Variants in ADGRD1 observed in about 807,000 individuals in gnomAD.
ADGRD1 encodes adhesion G protein-coupled receptor D1.
Under a neutral mutation model 113.4 loss-of-function variants are expected in ADGRD1, and 77 were observed. The observed-to-expected ratio is 0.68, with a 90% CI of 0.57 to 0.82. The LOEUF is 0.82. Ranked by LOEUF, ADGRD1 falls within the 40% of genes least tolerant of loss-of-function variation. The pLI, the probability that ADGRD1 is intolerant of heterozygous loss-of-function variation, is 0.00. For synonymous variants in ADGRD1, 474 were observed against 475.0 expected (o/e 1.00, Z 0.03); for missense variants, 1,036 against 1,139.1 (o/e 0.91, Z 1.30).
rs116587860 is a variant in ADGRD1 at position 131,044,052 on chromosome 12, C to T, written c.1473+29712C>T. ...TGGGTGTTAACTTCAGGCCTCACAC[C>T]GTGTAGGAACTCCATCAACAAGAAA... On this transcript the variant is annotated intron_variant, in intron 13 of 24. Transcript: ENST00000261654. Among the ~76,000 whole-genome samples the T allele has an allele frequency of 1.2e-3, 178 of 152,240 alleles. 2 individuals are homozygous for T. Among genetic ancestry groups the T allele is most frequent in the African/African-American group, 4.0e-3 (168 of 41,548 alleles).
At chr12:131,068,142 G>A (rs1381801590) in intron 13 of ADGRD1, among the ~76,000 whole-genome samples, 2 of 152,244 alleles carry the variant, frequency 1.3e-5, no homozygotes, top group Non-Finnish European at 2.9e-5. Context: ...ATGGGGACCA[G>A]GGGCTGGTTC....
intron 2 of ADGRD1, among the ~76,000 whole-genome samples, chr12:130,958,551 C>G (rs922128045): frequency 1.2e-4 from 18 of 152,140 alleles, no homozygotes; most frequent in Non-Finnish European, 1.3e-4. Flanking sequence ...CTGCTCACCT[C>G]GTTTCCTGCT....
In ADGRD1 at chr12:130,969,085, G is replaced by A. The variant is rs1871325299; in HGVS notation, c.188-2373G>A. The A allele has an allele frequency of 2.8e-6, 4 of 1,411,742 alleles. No individual in the cohort carries two copies. The Admixed American group carries it at 5.9e-5, about 21-fold the overall frequency. The allele number at this position is 1,411,742 out of a possible 1,614,324, so 87.5% of individuals were successfully genotyped here. On this transcript the variant is annotated intron_variant, in intron 3 of 24. Transcript: ENST00000261654. Reference sequence around the variant, plus strand: ...TCTGCAACTGTAGGTGAGCATTTATGTACTTTTGTTCTTCGTTCTGTCAAG... The same window carrying A: ...TCTGCAACTGTAGGTGAGCATTTATATACTTTTGTTCTTCGTTCTGTCAAG...
At chr12:131,029,047 A>G (rs1266955269) in intron 13 of ADGRD1, among the ~76,000 whole-genome samples, 2 of 152,214 alleles carry the variant, frequency 1.3e-5, no homozygotes, top group African/African-American at 2.4e-5. Context: ...TGTCATTCAT[A>G]GCTGCGTAGC....
chr12:130,993,277 G>A (rs115909181), intron 8 of ADGRD1, among the ~76,000 whole-genome samples: 2,923 of 152,084 alleles, frequency 0.019, 36 homozygotes, highest in South Asian at 0.045. Flanking sequence ...AGAAGCACAT[G>A]CAGAGCCATG....
chr12:131,127,066 A>G (rs1950753952), intron 20 of ADGRD1, among the ~76,000 whole-genome samples: 1 of 152,136 alleles, frequency 6.6e-6, no homozygotes. Context: ...TATCATCCTG[A>G]TAAGATGGAA....
At chr12:131,012,869 C>T (rs1040145027) in intron 12 of ADGRD1, among the ~76,000 whole-genome samples, 2 of 152,174 alleles carry the variant, frequency 1.3e-5, no homozygotes, top group African/African-American at 4.8e-5. Context: ...CCGGGTGAGG[C>T]CCACACAGAA....
chr12:130,975,061 C>T (rs932654299), intron 4 of ADGRD1, among the ~76,000 whole-genome samples: 2 of 152,144 alleles, frequency 1.3e-5, no homozygotes, highest in Non-Finnish European at 2.9e-5. Flanking sequence ...TCTGTTCCCT[C>T]AATACTCAGG....
intron 2 of ADGRD1, among the ~76,000 whole-genome samples, chr12:130,955,123 CTT>C (rs71451389): frequency 2.0e-5 from 2 of 99,714 alleles, no homozygotes; most frequent in South Asian, 3.2e-4. Flanking sequence ...CTACACCCAG[CTT>C]TTTTTTTTTT....
At chr12:131,018,502 G>A (rs1055155474) in intron 13 of ADGRD1, among the ~76,000 whole-genome samples, 2 of 151,840 alleles carry the variant, frequency 1.3e-5, no homozygotes, top group South Asian at 2.1e-4. Context: ...CGGGTCGGCC[G>A]CCTCACGCAG....
chr12:130,987,875 T>C (rs12810668), intron 6 of ADGRD1: 14,888 of 169,616 alleles, frequency 0.088, 862 homozygotes, highest in Middle Eastern at 0.15. Flanking sequence ...AACATAACCA[T>C]TTAAAAATGA....
chr12:131,046,197 A>C, intron 13 of ADGRD1, among the ~76,000 whole-genome samples: 1 of 110,638 alleles, frequency 9.0e-6, no homozygotes, highest in Non-Finnish European at 1.8e-5. Context: ...CTCCCTGGTC[A>C]GTGCTCCCTC....
intron 18 of ADGRD1, among the ~76,000 whole-genome samples, chr12:131,112,244 T>C (rs1001118671): frequency 2.0e-5 from 3 of 152,156 alleles, no homozygotes; most frequent in African/African-American, 7.3e-5. Context: ...TTAGCAGGGC[T>C]CTCTCTGTCT....
chr12:131,028,268 A>T (rs12314913), intron 13 of ADGRD1, among the ~76,000 whole-genome samples: 7,643 of 152,076 alleles, frequency 0.05, 386 homozygotes, highest in African/African-American at 0.13. Flanking sequence ...TCTACTCAAG[A>T]CTTCTGCTCA....
At chr12:131,015,067 T>C (rs1440687715) in intron 13 of ADGRD1, among the ~76,000 whole-genome samples, 1 of 152,280 alleles carries the variant, frequency 6.6e-6, no homozygotes, top group Non-Finnish European at 1.5e-5. Flanking sequence ...GAACTCACTG[T>C]GTTATTGGTC....
At chr12:131,037,546 A>G (rs1327751421) in intron 13 of ADGRD1, among the ~76,000 whole-genome samples, 1 of 54,806 alleles carries the variant, frequency 1.8e-5, no homozygotes, top group Non-Finnish European at 3.5e-5. Flanking sequence ...CAGTCACTGC[A>G]CTGGGTCTCA....
In ADGRD1 at chr12:131,022,884, A is replaced by G. The variant is rs1879490276; in HGVS notation, c.1473+8544A>G. The G allele has an allele frequency of 6.6e-6, 1 of 150,846 alleles. No homozygotes were observed. The highest frequency in any genetic ancestry group is 6.6e-5 in the Admixed American group (1 of 15,152). The allele number at this position is 150,846 out of a possible 1,614,324, so 9.3% of individuals were successfully genotyped here. ...TGTGCTCTCAGAAGCACACGCATGC[A>G]CCTGCATCTTCCTGCATTTTTCTGT... On this transcript the variant is annotated intron_variant, in intron 13 of 24. Coordinates refer to ENST00000261654, the MANE Select transcript of ADGRD1 (RefSeq NM_198827.5). This position sits in a 1 kb window ranked among gnomAD's most constrained non-coding sequence, Gnocchi z 4.6.
chr12:130,983,575 AC>A (rs1011551623), intron 5 of ADGRD1, among the ~76,000 whole-genome samples: 4 of 152,094 alleles, frequency 2.6e-5, no homozygotes, highest in African/African-American at 9.7e-5. Context: ...CTGCTTTTCC[AC>A]CCAGGGAAAG....
intron 13 of ADGRD1, among the ~76,000 whole-genome samples, chr12:131,042,441 AT>A (rs1882231625): frequency 6.6e-6 from 1 of 152,232 alleles, no homozygotes; most frequent in Non-Finnish European, 1.5e-5. Context: ...TACACAGTAA[AT>A]ATTTGTTGAA....
Sources: gnomAD v4.1 joint callset for allele counts (sites outside exome capture counted in the v4.1 genomes callset) on GRCh38, gnomAD v4.1.1 for gene constraint, Gnocchi (gnomAD v3.1) non-coding constraint, MANE v1.5 for transcripts, NCBI Gene and HGNC (gene_info 2026-07-23, HGNC 2026-07-21) for gene names.